The following NWD2 variants were observed in gnomAD, a reference collection of about 807,000 sequenced individuals.
NWD2 encodes NACHT and WD repeat domain-containing protein 2.
NWD2 carries 37 observed loss-of-function variants against 132.7 expected under a neutral mutation model. The observed-to-expected ratio is 0.28, with a 90% CI of 0.21 to 0.37. The LOEUF (loss-of-function observed/expected upper bound fraction) is 0.37. Ranked by LOEUF, NWD2 falls within the 10% of genes least tolerant of loss-of-function variation. The probability of loss-of-function intolerance (pLI) is 1.00; values close to 1 mark genes in which losing one functional copy is unlikely to be tolerated. For synonymous variants in NWD2, 705 were observed against 803.0 expected, an observed-to-expected ratio of 0.88 and a Z score of 2.06; for missense variants, 1,592 against 2,122.4, an observed-to-expected ratio of 0.75 and a Z score of 4.91.
intron 1 of NWD2, among the ~76,000 whole-genome samples, chr4:37,298,030 C>T (rs1718534947): frequency 6.6e-6 from 1 of 152,056 alleles, no homozygotes; most frequent in African/African-American, 2.4e-5. Context: ...GTGGGCGTCT[C>T]AGTAAGAGAT....
intron 1 of NWD2, among the ~76,000 whole-genome samples, chr4:37,287,047 C>T (rs1367727836): frequency 2.6e-5 from 4 of 152,148 alleles, no homozygotes; most frequent in African/African-American, 9.7e-5. Context: ...GGTACTGTGG[C>T]CCACCTGAGA....
intron 1 of NWD2, among the ~76,000 whole-genome samples, chr4:37,299,910 A>G (rs537247060): frequency 6.6e-6 from 1 of 152,236 alleles, no homozygotes; most frequent in Non-Finnish European, 1.5e-5. Flanking sequence ...ACACAGAGAA[A>G]CCTCAAAAGA....
intron 1 of NWD2, among the ~76,000 whole-genome samples, chr4:37,282,820 T>TA (rs1426523239): frequency 2.0e-5 from 3 of 152,094 alleles, no homozygotes; most frequent in African/African-American, 7.2e-5. Flanking sequence ...TTGTATTTAG[T>TA]TTTTTTTATT....
chr4:37,304,072 A>C (rs1157691449), intron 1 of NWD2, among the ~76,000 whole-genome samples: 2 of 152,216 alleles, frequency 1.3e-5, no homozygotes, highest in African/African-American at 4.8e-5. Flanking sequence ...AAAAAGTTTT[A>C]AGTGGTTCAC....
chr4:37,424,102 G>T (rs928130403), intron 3 of NWD2, among the ~76,000 whole-genome samples: 4 of 151,998 alleles, frequency 2.6e-5, no homozygotes, highest in African/African-American at 7.2e-5. Context: ...CCACCCAAAA[G>T]AATAAATCAG....
At chr4:37,317,812 C>T (rs1253778933) in intron 1 of NWD2, among the ~76,000 whole-genome samples, 1 of 152,170 alleles carries the variant, frequency 6.6e-6, no homozygotes, top group Non-Finnish European at 1.5e-5. Flanking sequence ...TCAAGACTCA[C>T]ATATGATAGT....
At chr4:37,382,393 T>C (rs1268165774) in intron 3 of NWD2, among the ~76,000 whole-genome samples, 2 of 152,200 alleles carry the variant, frequency 1.3e-5, no homozygotes, top group Non-Finnish European at 2.9e-5. Flanking sequence ...ATTTTGGCCC[T>C]CTGTTTACCA....
chr4:37,281,880 C>T (rs949069964), intron 1 of NWD2, among the ~76,000 whole-genome samples: 1 of 152,082 alleles, frequency 6.6e-6, no homozygotes, highest in African/African-American at 2.4e-5. Flanking sequence ...AATCTGTATT[C>T]AATACACAAA....
chr4:37,408,156 G>T (rs942303043), intron 3 of NWD2, among the ~76,000 whole-genome samples: 28 of 152,162 alleles, frequency 1.8e-4, no homozygotes, highest in Non-Finnish European at 1.6e-4. Flanking sequence ...CCCCAGTGGT[G>T]CCTGGAACCC....
At chr4:37,269,230 G>A (rs1003533986) in intron 1 of NWD2, among the ~76,000 whole-genome samples, 3 of 151,790 alleles carry the variant, frequency 2.0e-5, no homozygotes, top group East Asian at 1.9e-4. Flanking sequence ...AAATAACGCC[G>A]GTCACCATTT....
chr4:37,300,313 G>A (rs2053659589), intron 1 of NWD2, among the ~76,000 whole-genome samples: 1 of 152,152 alleles, frequency 6.6e-6, no homozygotes, highest in Non-Finnish European at 1.5e-5. Flanking sequence ...CAACGCTGTA[G>A]CAATCAATAA....
intron 3 of NWD2, among the ~76,000 whole-genome samples, chr4:37,359,343 C>A (rs1031688653): frequency 6.6e-6 from 1 of 151,994 alleles, no homozygotes; most frequent in Non-Finnish European, 1.5e-5. Flanking sequence ...TTCACCCCAG[C>A]GATCCTAAAT....
chr4:37,274,851 T>A (rs944655815), intron 1 of NWD2, among the ~76,000 whole-genome samples: 9 of 151,734 alleles, frequency 5.9e-5, no homozygotes, highest in African/African-American at 2.2e-4. Flanking sequence ...TCTCAATAGA[T>A]GCAGAAAAGG....
At chr4:37,415,487 G>A (rs1711568916) in intron 3 of NWD2, among the ~76,000 whole-genome samples, 1 of 152,036 alleles carries the variant, frequency 6.6e-6, no homozygotes, top group African/African-American at 2.4e-5. Context: ...GGTGGATCAC[G>A]AGGTCAGGAA....
Position 37,366,682 on chromosome 4 carries a change from A to G in NWD2, c.357+10200A>G, listed in dbSNP as rs1245977891. ...ATATCTAGATATAGATATATATGCCATGGAAAGATTAACCAAAAGAAAATT... is the reference window on the plus strand; with the variant it reads ...ATATCTAGATATAGATATATATGCCGTGGAAAGATTAACCAAAAGAAAATT... On this transcript the variant is annotated intron_variant, in intron 3 of 6. Transcript: ENST00000309447. 3.3e-5 allele frequency among the ~76,000 whole-genome samples: 5 copies of G among 152,294 alleles called. No individual in the cohort carries two copies. In the East Asian group the frequency reaches 9.6e-4, roughly 29 times the overall value.
chr4:37,275,468 G>A (rs1165006636), intron 1 of NWD2, among the ~76,000 whole-genome samples: 1 of 152,166 alleles, frequency 6.6e-6, no homozygotes, highest in African/African-American at 2.4e-5. Flanking sequence ...TCATGGGTAG[G>A]AAGAATCAAT....
intron 1 of NWD2, among the ~76,000 whole-genome samples, chr4:37,308,672 C>T (rs1718765346): frequency 6.6e-6 from 1 of 152,140 alleles, no homozygotes; most frequent in Admixed American, 6.5e-5. Flanking sequence ...AGGGGACATG[C>T]AGTGGTTTCA....
chr4:37,246,639 A>G (rs1394261690), intron 1 of NWD2, among the ~76,000 whole-genome samples: 1 of 152,224 alleles, frequency 6.6e-6, no homozygotes, highest in Non-Finnish European at 1.5e-5. Context: ...CTGCGACTTA[A>G]GGGTTGAGGG....
intron 2 of NWD2, among the ~76,000 whole-genome samples, chr4:37,330,381 G>A (rs903654204): frequency 6.6e-6 from 1 of 152,026 alleles, no homozygotes; most frequent in East Asian, 1.9e-4. Context: ...ATTTACTAAG[G>A]GCCTCCAGCT....
Sources: gnomAD v4.1 joint callset for allele counts (sites outside exome capture counted in the v4.1 genomes callset) on GRCh38, gnomAD v4.1.1 for gene constraint, MANE v1.5 for transcripts, NCBI Gene and HGNC (gene_info 2026-07-23, HGNC 2026-07-21) for gene names.